Variants in ZNF804B observed in about 807,000 individuals in gnomAD.
ZNF804B encodes zinc finger 804B.
A neutral mutation model predicts 101.4 loss-of-function variants in ZNF804B; 80 were observed. That is an observed-to-expected ratio of 0.79 (90% CI 0.66 to 0.95). ZNF804B has a LOEUF of 0.95. ZNF804B is among the 40% of genes least tolerant of loss of function. The pLI is 0.00. For synonymous variants in ZNF804B, 622 were observed against 558.8 expected (o/e 1.11, Z -1.59); for missense variants, 1,673 against 1,561.9 (o/e 1.07, Z -1.20).
chr7:89,079,160 G>A (rs1454485628), intron 1 of ZNF804B, among the ~76,000 whole-genome samples: 1 of 151,966 alleles, frequency 6.6e-6, no homozygotes, highest in African/African-American at 2.4e-5. Flanking sequence ...AAATATAGAG[G>A]CACCATTTGT....
intron 1 of ZNF804B, among the ~76,000 whole-genome samples, chr7:89,068,596 G>A (rs1789489660): frequency 6.6e-6 from 1 of 152,122 alleles, no homozygotes; most frequent in Non-Finnish European, 1.5e-5. Flanking sequence ...TGGGAATAGA[G>A]AGCAAACTAC....
At chr7:89,206,561 G>C (rs1019765093) in intron 1 of ZNF804B, among the ~76,000 whole-genome samples, 3 of 152,030 alleles carry the variant, frequency 2.0e-5, no homozygotes, top group Admixed American at 2.0e-4. Context: ...AGACCAGCCT[G>C]GCCAATGTGG....
intron 1 of ZNF804B, among the ~76,000 whole-genome samples, chr7:88,862,086 T>C (rs1791658188): frequency 6.6e-6 from 1 of 152,214 alleles, no homozygotes; most frequent in East Asian, 1.9e-4. Flanking sequence ...GATGTTTTAC[T>C]AAATAACGTA....
At chr7:89,029,603 C>T (rs1788801468) in intron 1 of ZNF804B, among the ~76,000 whole-genome samples, 1 of 152,102 alleles carries the variant, frequency 6.6e-6, no homozygotes, top group African/African-American at 2.4e-5. Context: ...ATGATGATTG[C>T]ATGTATTTTA....
intron 1 of ZNF804B, among the ~76,000 whole-genome samples, chr7:89,025,728 A>G (rs1788740326): frequency 6.6e-6 from 1 of 152,094 alleles, no homozygotes; most frequent in Admixed American, 6.6e-5. Context: ...ATTATGTCTC[A>G]TGTGTTATTT....
At chr7:89,121,752 G>A (rs1456735000) in intron 1 of ZNF804B, among the ~76,000 whole-genome samples, 1 of 152,036 alleles carries the variant, frequency 6.6e-6, no homozygotes, top group Non-Finnish European at 1.5e-5. Flanking sequence ...CTTTATTTTG[G>A]TAATTGTGTT....
At chr7:88,767,938 G>T (rs1294940630) in intron 1 of ZNF804B, among the ~76,000 whole-genome samples, 1 of 152,142 alleles carries the variant, frequency 6.6e-6, no homozygotes, top group Non-Finnish European at 1.5e-5. Context: ...GTTCAGTCCT[G>T]CATTTCCTTT....
chr7:88,860,790 A>C (rs1471521742), intron 1 of ZNF804B, among the ~76,000 whole-genome samples: 5 of 152,184 alleles, frequency 3.3e-5, no homozygotes, highest in Non-Finnish European at 7.4e-5. Context: ...TGAATAATTA[A>C]TTTGTTTAAA....
intron 1 of ZNF804B, among the ~76,000 whole-genome samples, chr7:88,917,496 A>G (rs1235316474): frequency 6.6e-6 from 1 of 152,148 alleles, no homozygotes; most frequent in Non-Finnish European, 1.5e-5. Context: ...CTGGTACACT[A>G]TTGACTCAAG....
chr7:88,893,853 A>G (rs1270927281), intron 1 of ZNF804B, among the ~76,000 whole-genome samples: 1 of 152,182 alleles, frequency 6.6e-6, no homozygotes, highest in African/African-American at 2.4e-5. Context: ...TTTGAAATTA[A>G]CATTCATTGG....
chr7:88,952,096 T>A (rs1469329439), intron 1 of ZNF804B, among the ~76,000 whole-genome samples: 1 of 151,728 alleles, frequency 6.6e-6, no homozygotes, highest in African/African-American at 2.4e-5. Context: ...GGGGGAGAAA[T>A]GTGGCTGTTC....
At chr7:89,193,101 CCT>C (rs1282336095) in intron 1 of ZNF804B, among the ~76,000 whole-genome samples, 1 of 151,974 alleles carries the variant, frequency 6.6e-6, no homozygotes, top group East Asian at 1.9e-4. Context: ...ACAGGGATGC[CCT>C]CTTTCACCAC....
At chr7:89,312,667 A>G (rs542920572) in intron 2 of ZNF804B, among the ~76,000 whole-genome samples, 3 of 152,178 alleles carry the variant, frequency 2.0e-5, no homozygotes, top group Admixed American at 6.5e-5. Context: ...CCATTTCACT[A>G]TGTGTTTGTA....
In ZNF804B at chr7:89,037,845, G is replaced by C. The variant is rs114300327; in HGVS notation, c.109-180310G>C. 5.0e-3 allele frequency among the ~76,000 whole-genome samples: 768 copies of C among 152,116 alleles called. 5 individuals carry two copies. The highest frequency in any genetic ancestry group is 0.015 in the South Asian group (74 of 4,826). On this transcript the variant is annotated intron_variant, in intron 1 of 3. Transcript: ENST00000333190. ...GCCCCTGGCATCTGCCGTTCTAAGCGGCAAATGAACTTTTATAAGTTCAAC... is the reference window on the plus strand; with the variant it reads ...GCCCCTGGCATCTGCCGTTCTAAGCCGCAAATGAACTTTTATAAGTTCAAC...
At chr7:89,273,588 A>G (rs1054059522) in intron 2 of ZNF804B, among the ~76,000 whole-genome samples, 1 of 152,164 alleles carries the variant, frequency 6.6e-6, no homozygotes, top group African/African-American at 2.4e-5. Context: ...GCAAAGTATG[A>G]CACAATTGAA....
Position 88,800,733 on chromosome 7 carries a change from TGC to T in ZNF804B, c.108+40650_108+40651del, listed in dbSNP as rs1491274043. 3.2e-3 allele frequency among the ~76,000 whole-genome samples: 450 copies of T among 140,830 alleles called. 4 individuals carry two copies. The highest frequency in any genetic ancestry group is 0.011 in the African/African-American group (393 of 36,204). The allele number at this position is 140,830 out of a possible 152,430, so 92.4% of individuals were successfully genotyped here. On this transcript the variant is annotated intron_variant, in intron 1 of 3. Coordinates refer to ENST00000333190, the MANE Select transcript of ZNF804B (RefSeq NM_181646.5). ...GTGTGTGTGTGTGTGTGTGTGTGTG[TGC>T]TTAAAGCATAAACAGCAGAGGGCAT... is the stretch of plus-strand genomic sequence containing the variant.
chr7:89,141,375 T>C (rs1790712930), intron 1 of ZNF804B, among the ~76,000 whole-genome samples: 1 of 152,082 alleles, frequency 6.6e-6, no homozygotes, highest in East Asian at 1.9e-4. Context: ...AGACACCTTC[T>C]GTGAAGTATA....
Position 88,809,241 on chromosome 7 carries a change from G to C in ZNF804B, c.108+49157G>C, listed in dbSNP as rs543907346. On this transcript the variant is annotated intron_variant, in intron 1 of 3. Coordinates refer to ENST00000333190, the MANE Select transcript of ZNF804B (RefSeq NM_181646.5). ...TAATTTTAAATAGAAATCTTACCAA[G>C]TTTTATATAACATTGAAACATTTAA... Among the ~76,000 whole-genome samples, 18 of 152,186 alleles carry C rather than the reference G, an allele frequency of 1.2e-4. No homozygotes were observed. In the South Asian group the frequency reaches 3.7e-3, roughly 32 times the overall value.
chr7:88,977,908 C>A (rs1793639154), intron 1 of ZNF804B, among the ~76,000 whole-genome samples: 2 of 151,450 alleles, frequency 1.3e-5, no homozygotes, highest in South Asian at 4.2e-4. Flanking sequence ...CTCTGTACTC[C>A]ATAGATTTTG....
Sources: gnomAD v4.1 joint callset for allele counts (sites outside exome capture counted in the v4.1 genomes callset) on GRCh38, gnomAD v4.1.1 for gene constraint, MANE v1.5 for transcripts, NCBI Gene and HGNC (gene_info 2026-07-23, HGNC 2026-07-21) for gene names.